Variants in ZNF654 observed in about 807,000 individuals in gnomAD.
The protein encoded by ZNF654 is melanoma-associated antigen.
A neutral mutation model predicts 95.3 loss-of-function variants in ZNF654; 19 were observed. The observed-to-expected ratio is 0.20, with a 90% CI of 0.14 to 0.29. ZNF654 has a LOEUF of 0.29. Among genes scored for constraint, ZNF654 ranks in the 10% least tolerant of loss-of-function variants. The pLI is 1.00. For missense variants in ZNF654, 1,046 were observed against 1,341.0 expected, an observed-to-expected ratio of 0.78 and a Z score of 3.44; for synonymous variants, 413 against 457.9, an observed-to-expected ratio of 0.90 and a Z score of 1.25.
chr3:88,111,128 G>A (rs1705067329), intron 2 of ZNF654, among the ~76,000 whole-genome samples: 1 of 151,972 alleles, frequency 6.6e-6, no homozygotes, highest in South Asian at 2.1e-4. Flanking sequence ...AAGAGTGGAG[G>A]TCCATTAGAT....
Position 88,059,297 on chromosome 3 carries a change from A to T in ZNF654, c.-23A>T. On this transcript the variant is annotated 5_prime_UTR_variant, in exon 1 of 9. Coordinates refer to ENST00000636215, the MANE Select transcript of ZNF654 (RefSeq NM_001350134.2). ...CGGCGGCGGCGGCGCAGGGGCTGGT[A>T]CGCGCTGGGCGGCGAGAGCCTCATG... is the stretch of plus-strand genomic sequence containing the variant. The T allele has an allele frequency of 6.5e-7, 1 of 1,532,384 alleles. No individual in the cohort carries two copies. Among genetic ancestry groups the T allele is most frequent in the Non-Finnish European group, 8.7e-7 (1 of 1,146,210 alleles). The allele number at this position is 1,532,384 out of a possible 1,614,324, so 94.9% of individuals were successfully genotyped here.
At chr3:88,059,589 G>GTC (rs1487375888) in intron 1 of ZNF654, 84 bp downstream of exon 1, 6 of 1,428,444 alleles carry the variant, frequency 4.2e-6, no homozygotes, top group Non-Finnish European at 5.5e-6. Context: ...CATGAATCTG[G>GTC]TCTATGTCCA....
intron 1 of ZNF654, among the ~76,000 whole-genome samples, chr3:88,075,835 G>C (rs1707771724): frequency 6.6e-6 from 1 of 152,062 alleles, no homozygotes; most frequent in South Asian, 2.1e-4. Context: ...AAGTCAAGGA[G>C]TTCCAAGTGC....
chr3:88,116,395 C>T (rs988119507), intron 3 of ZNF654, among the ~76,000 whole-genome samples: 8 of 151,970 alleles, frequency 5.3e-5, no homozygotes, highest in African/African-American at 1.9e-4. Context: ...CGGCTCATGC[C>T]TGTAATCCCA....
intron 1 of ZNF654, among the ~76,000 whole-genome samples, chr3:88,064,457 A>T (rs1289048979): frequency 6.6e-6 from 1 of 152,014 alleles, no homozygotes; most frequent in Admixed American, 6.5e-5. Context: ...GTTAGTTGCC[A>T]TTGTTTTGTT....
intron 2 of ZNF654, among the ~76,000 whole-genome samples, chr3:88,092,481 G>A (rs1460772404): frequency 2.0e-5 from 3 of 152,118 alleles, no homozygotes; most frequent in Non-Finnish European, 4.4e-5. Flanking sequence ...AATGTGCTGG[G>A]TGAGCTAACT....
chr3:88,059,825 A>AGTCCC (rs1559681742), intron 1 of ZNF654, among the ~76,000 whole-genome samples: 1 of 152,058 alleles, frequency 6.6e-6, no homozygotes, highest in African/African-American at 2.4e-5. Context: ...CCTGCCCGAG[A>AGTCCC]GTCCCGCCTT....
At chr3:88,067,371 G>T (rs1388838191) in intron 1 of ZNF654, among the ~76,000 whole-genome samples, 2 of 152,176 alleles carry the variant, frequency 1.3e-5, no homozygotes, top group Non-Finnish European at 2.9e-5. Flanking sequence ...GAGATAGCTG[G>T]ACTTAACAGA....
intron 1 of ZNF654, among the ~76,000 whole-genome samples, chr3:88,074,381 G>A (rs1389431658): frequency 7.9e-6 from 1 of 126,560 alleles, no homozygotes; most frequent in African/African-American, 2.9e-5. Context: ...TTGCTTTATC[G>A]CCCAGGCTGG....
intron 1 of ZNF654, among the ~76,000 whole-genome samples, chr3:88,075,553 T>G (rs1335095534): frequency 1.3e-5 from 2 of 152,256 alleles, no homozygotes; most frequent in Admixed American, 1.3e-4. Context: ...CTTCTGCTGC[T>G]TGCTCTTTTA....
At chr3:88,064,076 C>G (rs1336325620) in intron 1 of ZNF654, among the ~76,000 whole-genome samples, 1 of 149,672 alleles carries the variant, frequency 6.7e-6, no homozygotes, top group African/African-American at 2.4e-5. Flanking sequence ...TGGAAGAAAA[C>G]AAGAATGGAT....
chr3:88,124,579 A>G (rs1380693913), intron 3 of ZNF654, among the ~76,000 whole-genome samples: 1 of 152,222 alleles, frequency 6.6e-6, no homozygotes, highest in African/African-American at 2.4e-5. Context: ...CAGTTTAATA[A>G]AAGCAAAGTG....
chr3:88,066,634 A>G (rs1707218135), intron 1 of ZNF654, among the ~76,000 whole-genome samples: 1 of 152,126 alleles, frequency 6.6e-6, no homozygotes, highest in Admixed American at 6.6e-5. Flanking sequence ...GCAGGAGGAA[A>G]TATATTTAAA....
chr3:88,110,585 G>A (rs1382803943), intron 2 of ZNF654, among the ~76,000 whole-genome samples: 10 of 152,096 alleles, frequency 6.6e-5, no homozygotes, highest in African/African-American at 2.4e-4. Flanking sequence ...CCTGTGAGCA[G>A]TAGTTTACCA....
At chr3:88,080,418 T>C (rs1349431917) in intron 1 of ZNF654, among the ~76,000 whole-genome samples, 1 of 152,168 alleles carries the variant, frequency 6.6e-6, no homozygotes, top group African/African-American at 2.4e-5. Context: ...TAGCTCTTGT[T>C]TGTTACATGC....
At chr3:88,098,010 T>TA (rs1231060626) in intron 2 of ZNF654, among the ~76,000 whole-genome samples, 3 of 151,616 alleles carry the variant, frequency 2.0e-5, no homozygotes, top group African/African-American at 4.8e-5. Context: ...GATAGAGACA[T>TA]AAAAAACCCT....
At chr3:88,085,790 T>G (rs1310985345) in intron 1 of ZNF654, among the ~76,000 whole-genome samples, 2 of 152,186 alleles carry the variant, frequency 1.3e-5, no homozygotes, top group African/African-American at 4.8e-5. Context: ...GGTTAAATAT[T>G]CATAATCAGT....
At chr3:88,103,421 A>G (rs529281368) in intron 2 of ZNF654, among the ~76,000 whole-genome samples, 3 of 152,322 alleles carry the variant, frequency 2.0e-5, no homozygotes, top group South Asian at 2.1e-4. Context: ...TTGAATGTAG[A>G]TTCATAGAAA....
intron 1 of ZNF654, among the ~76,000 whole-genome samples, chr3:88,073,042 A>G (rs1434136029): frequency 6.6e-6 from 1 of 152,184 alleles, no homozygotes; most frequent in East Asian, 1.9e-4. Flanking sequence ...AGTAGAGGAG[A>G]TAACTTGTGA....
Sources: allele counts gnomAD v4.1 joint callset (sites outside exome capture counted in the v4.1 genomes callset), GRCh38; gene constraint gnomAD v4.1.1; transcripts MANE v1.5; gene names NCBI Gene and HGNC (gene_info 2026-07-23, HGNC 2026-07-21).